MRTFB: variants seen among roughly 807,000 people sequenced by gnomAD.
MRTFB encodes the protein myocardin related transcription factor B, also known as myocardin-related transcription factor B.
In MRTFB, 29 loss-of-function variants were observed where a neutral mutation model predicts 104.2. The observed-to-expected ratio is 0.28, with a 90% CI of 0.21 to 0.38. MRTFB has a LOEUF of 0.38. Ranked by LOEUF, MRTFB falls within the 10% of genes least tolerant of loss-of-function variation. The probability of loss-of-function intolerance (pLI) is 1.00; values close to 1 mark genes in which losing one functional copy is unlikely to be tolerated. For synonymous variants in MRTFB, 535 were observed against 519.5 expected (o/e 1.03, Z -0.41); for missense variants, 1,270 against 1,341.6 (o/e 0.95, Z 0.83).
intron 2 of MRTFB, among the ~76,000 whole-genome samples, chr16:14,132,304 G>T (rs1168218425): frequency 6.6e-6 from 1 of 151,912 alleles, no homozygotes; most frequent in Admixed American, 6.6e-5. Flanking sequence ...TGTGCTGATG[G>T]GTACAGGATT....
rs1284805043 is a variant in MRTFB at position 14,127,915 on chromosome 16, ATATATATATATATATTTTTTTTTTTTTTT to A, written c.-63-12627_-63-12599del. 1.0e-4 allele frequency among the ~76,000 whole-genome samples: 5 copies of A among 48,910 alleles called. No homozygotes were observed. In the East Asian group the frequency reaches 2.9e-3, roughly 29 times the overall value. The allele number at this position is 48,910 out of a possible 152,430, so 32.1% of individuals were successfully genotyped here. ...AGCAAAACTGAATATATATATATAT[ATATATATATATATATTTTTTTTTTTTTTT>A]TTTTTTTCTTTTTTTCCCCTTTTCT... On this transcript the variant is annotated intron_variant, in intron 2 of 16. Coordinates refer to ENST00000571589, the MANE Select transcript of MRTFB (RefSeq NM_001308142.2).
At chr16:14,127,426 A>G (rs1185304482) in intron 2 of MRTFB, among the ~76,000 whole-genome samples, 2 of 151,992 alleles carry the variant, frequency 1.3e-5, no homozygotes, top group Admixed American at 1.3e-4. Context: ...GTGGATCACG[A>G]GGTCAGGAGA....
chr16:14,156,261 T>G (rs1377959504), intron 3 of MRTFB, among the ~76,000 whole-genome samples: 1 of 152,208 alleles, frequency 6.6e-6, no homozygotes, highest in Non-Finnish European at 1.5e-5. Flanking sequence ...GGGTCTGGAA[T>G]TGGGATTTTC....
the MRTFB span, chr16:14,009,144 CTTGCCGTG>C: frequency 6.6e-6 from 1 of 152,142 alleles, no homozygotes; most frequent in Non-Finnish European, 1.5e-5. Flanking sequence ...GAGATAGAGT[CTTGCCGTG>C]TTGCTCAGGT....
At chr16:14,184,184 A>G (rs540587701) in intron 3 of MRTFB, among the ~76,000 whole-genome samples, 1 of 150,008 alleles carries the variant, frequency 6.7e-6, no homozygotes, top group East Asian at 2.0e-4. Flanking sequence ...AATCCTGGCC[A>G]CCACTTATGA....
chr16:14,016,129 C>T, the MRTFB span: 1 of 396,138 alleles, frequency 2.5e-6, no homozygotes, highest in Non-Finnish European at 4.4e-6. Flanking sequence ...TGACTGTAAA[C>T]AAGTTACTTC....
the MRTFB span, among the ~76,000 whole-genome samples, chr16:14,051,461 A>G: frequency 1.3e-5 from 2 of 152,218 alleles, no homozygotes; most frequent in Non-Finnish European, 2.9e-5. Flanking sequence ...AGAAGCACTC[A>G]TACAAATACA....
At chr16:14,222,520 A>AAAAG (rs1192395090) in intron 8 of MRTFB, among the ~76,000 whole-genome samples, 1 of 151,926 alleles carries the variant, frequency 6.6e-6, no homozygotes, top group African/African-American at 2.4e-5. Context: ...CAGGGAAGGC[A>AAAAG]AAAGATTGGA....
At chr16:14,056,392 G>C in the MRTFB span, among the ~76,000 whole-genome samples, 1 of 151,750 alleles carries the variant, frequency 6.6e-6, no homozygotes, top group Non-Finnish European at 1.5e-5. Context: ...TGGACTCATG[G>C]GTATTTATTC....
chr16:14,137,024 GTTTTAC>G (rs2037755514), intron 2 of MRTFB, among the ~76,000 whole-genome samples: 1 of 152,068 alleles, frequency 6.6e-6, no homozygotes, highest in African/African-American at 2.4e-5. Flanking sequence ...CTAAGTGATT[GTTTTAC>G]TTTTGTAACT....
At chr16:14,166,941 T>C (rs753364842) in intron 3 of MRTFB, among the ~76,000 whole-genome samples, 4 of 152,192 alleles carry the variant, frequency 2.6e-5, no homozygotes, top group African/African-American at 7.2e-5. Flanking sequence ...TCCAAGTCTT[T>C]GCTATTGTGA....
chr16:14,108,847 A>G (rs2036131709), intron 2 of MRTFB, among the ~76,000 whole-genome samples: 1 of 152,148 alleles, frequency 6.6e-6, no homozygotes, highest in Admixed American at 6.6e-5. Context: ...CCTTTCCCCC[A>G]TCGTCTCCCC....
At chr16:14,015,582 T>C in the MRTFB span, among the ~76,000 whole-genome samples, 1 of 152,154 alleles carries the variant, frequency 6.6e-6, no homozygotes, top group African/African-American at 2.4e-5. Flanking sequence ...TGCGCTTTTC[T>C]GGAAGGAAGT....
chr16:14,018,031 G>A, the MRTFB span, among the ~76,000 whole-genome samples: 1 of 151,828 alleles, frequency 6.6e-6, no homozygotes, highest in Non-Finnish European at 1.5e-5. Context: ...CTCCCTTTGA[G>A]AACTTTATGA....
the MRTFB span, among the ~76,000 whole-genome samples, chr16:14,016,920 G>A: frequency 6.6e-6 from 1 of 152,052 alleles, no homozygotes. Context: ...TAAGCAATTG[G>A]TTTAACTCTG....
intron 3 of MRTFB, among the ~76,000 whole-genome samples, chr16:14,148,403 A>G (rs539657111): frequency 6.6e-6 from 1 of 152,350 alleles, no homozygotes; most frequent in African/African-American, 2.4e-5. Flanking sequence ...CCTAATGAAT[A>G]CAGGGAATGT....
chr16:14,220,795 G>C (rs1293554932), intron 8 of MRTFB, among the ~76,000 whole-genome samples: 1 of 152,148 alleles, frequency 6.6e-6, no homozygotes, highest in East Asian at 1.9e-4. Context: ...CAACTAGGGC[G>C]ATGGGAGAAG....
chr16:13,996,824 G>A, the MRTFB span, among the ~76,000 whole-genome samples: 2 of 152,154 alleles, frequency 1.3e-5, no homozygotes, highest in Non-Finnish European at 2.9e-5. Flanking sequence ...AGGGACAACC[G>A]ACGGCTCTCT....
intron 16 of MRTFB, among the ~76,000 whole-genome samples, chr16:14,260,703 T>C (rs548076758): frequency 6.6e-6 from 1 of 152,188 alleles, no homozygotes; most frequent in Non-Finnish European, 1.5e-5. Context: ...TAATAAACTT[T>C]TATGTTTATC....
Sources: allele counts gnomAD v4.1 joint callset (sites outside exome capture counted in the v4.1 genomes callset), GRCh38; gene constraint gnomAD v4.1.1; transcripts MANE v1.5; gene names NCBI Gene and HGNC (gene_info 2026-07-23, HGNC 2026-07-21).